CLASRP: variants seen among roughly 807,000 people sequenced by gnomAD.
The protein encoded by CLASRP is CLK4 associating serine/arginine rich protein.
A neutral mutation model predicts 99.9 loss-of-function variants in CLASRP; 52 were observed. That is an observed-to-expected ratio of 0.52 (90% CI 0.42 to 0.66). The LOEUF (loss-of-function observed/expected upper bound fraction) is 0.66, where lower values mean the gene tolerates loss of function less well. Among genes scored for constraint, CLASRP ranks in the 30% least tolerant of loss-of-function variants. The probability of loss-of-function intolerance (pLI) is 0.00; values close to 1 mark genes in which losing one functional copy is unlikely to be tolerated. For missense variants in CLASRP, 848 were observed against 999.2 expected, an observed-to-expected ratio of 0.85 and a Z score of 2.04; for synonymous variants, 379 against 373.0, an observed-to-expected ratio of 1.02 and a Z score of -0.18.
rs1051757414 is a variant in CLASRP, at chr19:45,064,564, G to T, written c.1343G>T (p.Arg448Leu). ...RGRRHSGGGS[R>L]DGHRYSRSPA... ...CGGCGGCACTCAGGTGGGGGCTCCCGAGACGGACACCGGTACTCCCGCTCG... is the reference window on the plus strand; with the variant it reads ...CGGCGGCACTCAGGTGGGGGCTCCCTAGACGGACACCGGTACTCCCGCTCG... The change falls in exon 13 of 21, where the codon CGA (arginine) becomes CTA (leucine). Residue 448 changes from arginine to leucine, a missense_variant. Physicochemically the swap from Arg to Leu is moderately radical, Grantham distance 102. This residue lies in a region of CLASRP where 489 missense variants were observed against 434.7 expected (regional missense o/e 1.12). Transcript: ENST00000221455. 2 of 1,540,236 alleles carry T rather than the reference G, an allele frequency of 1.3e-6. No homozygotes were observed. Among genetic ancestry groups the T allele is most frequent in the Admixed American group, 2.0e-5 (1 of 51,140 alleles).
At chr19:45,065,390 A>AAG (rs1341430052) in intron 13 of CLASRP, among the ~76,000 whole-genome samples, 7 of 121,176 alleles carry the variant, frequency 5.8e-5, no homozygotes, top group Non-Finnish European at 1.0e-4. Flanking sequence ...TTCCGTCTCA[A>AAG]AAAAAAAAAA....
intron 2 of CLASRP, among the ~76,000 whole-genome samples, chr19:45,050,539 C>T (rs956008429): frequency 3.3e-5 from 5 of 151,912 alleles, no homozygotes; most frequent in Non-Finnish European, 5.9e-5. Flanking sequence ...ACAAAATTAG[C>T]TGGGCATGGT....
At position 45,070,869 on chromosome 19, in the gene CLASRP, G is replaced by A. The variant is rs1063174; in HGVS notation, c.*24G>A. ...AGGCAGAAGAGTGGGGGGTGGGGAG[G>A]ACAAGGGGGTGGGTAAGGGGCTCAA... On this transcript the variant is annotated 3_prime_UTR_variant, in exon 21 of 21. Coordinates refer to ENST00000221455, the MANE Select transcript of CLASRP (RefSeq NM_007056.3). 8.9e-6 allele frequency: 9 copies of A among 1,011,168 alleles called. 1 individual carries two copies. The highest frequency in any genetic ancestry group is 4.4e-4 in the Middle Eastern group (2 of 4,576). The allele number at this position is 1,011,168 out of a possible 1,614,324, so 62.6% of individuals were successfully genotyped here.
chr19:45,053,913 G>A (rs1972073705), intron 5 of CLASRP, among the ~76,000 whole-genome samples: 1 of 152,206 alleles, frequency 6.6e-6, no homozygotes, highest in Non-Finnish European at 1.5e-5. Flanking sequence ...GAAACACTAT[G>A]CCCAGCCAGG....
rs772599731 is a variant in CLASRP, at chr19:45,068,036, A to G, written c.1689A>G (p.Lys563=). The part of the protein sequence containing the change: ...KLKKTEPAAG[K]ETGAAKPKLT... ...CCAGGACCGAACCTGCCGCTGGTAA[A>G]GAGACAGGAGCTGCCAAAGTCAGTA... The change falls in exon 15 of 21, where the codon AAA becomes AAG. Residue 563 remains lysine, a synonymous_variant. Coordinates refer to ENST00000221455, the MANE Select transcript of CLASRP (RefSeq NM_007056.3). 32 of 1,613,874 alleles carry G rather than the reference A, an allele frequency of 2.0e-5. No individual in the cohort carries two copies. The highest frequency in any genetic ancestry group is 2.7e-5 in the Non-Finnish European group (32 of 1,179,910).
At chr19:45,058,846 A>C (rs2122575413) in intron 7 of CLASRP, among the ~76,000 whole-genome samples, 2 of 146,356 alleles carry the variant, frequency 1.4e-5, no homozygotes, top group Middle Eastern at 3.4e-3. Context: ...GCCCCTGTTC[A>C]GTCCTCCCTC....
chr19:45,049,427 G>T (rs991204438), intron 2 of CLASRP, among the ~76,000 whole-genome samples: 1 of 152,196 alleles, frequency 6.6e-6, no homozygotes, highest in Non-Finnish European at 1.5e-5. Flanking sequence ...GCGCCACCTC[G>T]CTGGGCCTGT....
chr19:45,063,814 A>G (rs1310504170), intron 11 of CLASRP, among the ~76,000 whole-genome samples, 198 bp from the exon 12 acceptor site: 3 of 152,020 alleles, frequency 2.0e-5, no homozygotes, highest in African/African-American at 7.2e-5. Context: ...CTTCCTGGTT[A>G]TTTAGCGAAG....
chr19:45,050,266 T>A (rs1388193863), intron 2 of CLASRP, among the ~76,000 whole-genome samples: 2 of 152,142 alleles, frequency 1.3e-5, no homozygotes, highest in African/African-American at 2.4e-5. Flanking sequence ...GAGCCCAGCC[T>A]GGACCAGACT....
Position 45,060,224 on chromosome 19 carries a change from G to A in CLASRP, c.711-165G>A, listed in dbSNP as rs1357391675. Among the ~76,000 whole-genome samples the A allele has an allele frequency of 6.6e-6, 1 of 151,826 alleles. No individual in the cohort carries two copies. The highest frequency in any genetic ancestry group is 1.5e-5 in the Non-Finnish European group (1 of 67,966). Reference sequence around the variant, plus strand: ...TGCTCAGTTCTTGATACCTAAGATAGCACCTGGCACACAGAGGGTGCTTGA... The same window carrying A: ...TGCTCAGTTCTTGATACCTAAGATAACACCTGGCACACAGAGGGTGCTTGA... On this transcript the variant is annotated intron_variant, in intron 8 of 20. Coordinates refer to ENST00000221455, the MANE Select transcript of CLASRP (RefSeq NM_007056.3). The surrounding 1 kb of genome is among the most constrained non-coding windows in gnomAD (Gnocchi z 4.6).
intron 2 of CLASRP, among the ~76,000 whole-genome samples, chr19:45,048,763 G>A (rs958507326): frequency 2.2e-4 from 34 of 152,016 alleles, no homozygotes; most frequent in African/African-American, 8.2e-4. Flanking sequence ...CGAGGCAGGC[G>A]GATCACGAGG....
chr19:45,050,475 G>A (rs972821382), intron 2 of CLASRP, among the ~76,000 whole-genome samples: 14 of 152,010 alleles, frequency 9.2e-5, no homozygotes, highest in Admixed American at 2.0e-4. Flanking sequence ...ACCTGAGGTC[G>A]AGAGTTCAAG....
intron 2 of CLASRP, among the ~76,000 whole-genome samples, chr19:45,041,326 C>T (rs902075745): frequency 6.6e-5 from 10 of 151,968 alleles, no homozygotes; most frequent in African/African-American, 2.2e-4. Context: ...GTTGTTTTTG[C>T]GGGGAAGACC....
At chr19:45,063,290 A>G (rs1184278294) in intron 11 of CLASRP, among the ~76,000 whole-genome samples, 1 of 151,836 alleles carries the variant, frequency 6.6e-6, no homozygotes, top group Non-Finnish European at 1.5e-5. Flanking sequence ...TACAGGCATG[A>G]GCCATCACAC....
intron 6 of CLASRP, 25 bp downstream of exon 6, chr19:45,056,559 G>A (rs770469946): frequency 1.3e-6 from 2 of 1,598,018 alleles, no homozygotes; most frequent in Non-Finnish European, 1.7e-6. Flanking sequence ...GGGGTGCAGG[G>A]GGTTGAGGAG....
chr19:45,063,592 G>A (rs1396443531), intron 11 of CLASRP, among the ~76,000 whole-genome samples: 2 of 151,604 alleles, frequency 1.3e-5, no homozygotes, highest in Non-Finnish European at 2.9e-5. Context: ...AATTACAGGT[G>A]CGCGCCACCA....
At chr19:45,066,235 G>T (rs944396157) in intron 13 of CLASRP, among the ~76,000 whole-genome samples, 1 of 151,526 alleles carries the variant, frequency 6.6e-6, no homozygotes, top group Non-Finnish European at 1.5e-5. Context: ...TTCTCCCGCC[G>T]CAGCCTCCCA....
rs1167545915 is a variant in CLASRP, at chr19:45,052,053, TC to T, written c.100-16del. 4 of 1,609,906 alleles carry T rather than the reference TC, an allele frequency of 2.5e-6. No homozygotes were observed. Among genetic ancestry groups the T allele is most frequent in the Non-Finnish European group, 3.4e-6 (4 of 1,177,024 alleles). ...GAGCTCTGTTGGGTGGTGACCTCAG[TC>T]CTGTTTACCCCTGCAGAAGAAGGAC... is the stretch of plus-strand genomic sequence containing the variant. On this transcript the variant is annotated splice_polypyrimidine_tract_variant and intron_variant, in intron 2 of 20. Transcript: ENST00000221455.
At chr19:45,061,190 C>T (rs929032308) in intron 10 of CLASRP, among the ~76,000 whole-genome samples, 2 of 152,122 alleles carry the variant, frequency 1.3e-5, no homozygotes, top group African/African-American at 4.8e-5. Context: ...CTCTTTTTGC[C>T]ACATCTCTTA....
Sources: allele counts gnomAD v4.1 joint callset (sites outside exome capture counted in the v4.1 genomes callset), GRCh38; gene constraint gnomAD v4.1.1; regional missense constraint gnomAD v4.1.1; non-coding constraint Gnocchi (gnomAD v3.1); transcripts MANE v1.5; gene names NCBI Gene and HGNC (gene_info 2026-07-23, HGNC 2026-07-21).